Variants in SLC19A1 observed in about 807,000 individuals in gnomAD.
SLC19A1 encodes the protein reduced folate transporter.
Under a neutral mutation model 35.3 loss-of-function variants are expected in SLC19A1, and 37 were observed. The ratio of observed to expected loss-of-function variants is 1.05; its 90% CI spans 0.81 to 1.38. SLC19A1 has a LOEUF of 1.38. Among genes scored for constraint, SLC19A1 ranks in the 40% most tolerant of loss-of-function variants. SLC19A1 has a pLI of 0.00. For synonymous variants in SLC19A1, 460 were observed against 398.5 expected, an observed-to-expected ratio of 1.15 and a Z score of -1.84; for missense variants, 831 against 826.9, an observed-to-expected ratio of 1.00 and a Z score of -0.06.
At chr21:45,550,923 C>CT (rs555622717) in intron 1 of SLC19A1, among the ~76,000 whole-genome samples, 9 of 116,042 alleles carry the variant, frequency 7.8e-5, no homozygotes, top group East Asian at 3.2e-4. Flanking sequence ...ACCCTCCCCC[C>CT]GCCTCCCCAC....
At chr21:45,505,013 G>A in intron 3 of SLC19A1, 1 of 1,276,694 alleles carries the variant, frequency 7.8e-7, no homozygotes, top group Middle Eastern at 1.8e-4. Context: ...GCAGGGAGGG[G>A]ACCGGTGACT....
rs185587952 is a variant in SLC19A1 at position 45,557,677 on chromosome 21, G to A, written c.-50+5065C>T. Among the ~76,000 whole-genome samples the A allele has an allele frequency of 6.9e-3, 1,047 of 152,290 alleles. 6 individuals are homozygous for A. Among genetic ancestry groups the A allele is most frequent in the Non-Finnish European group, 0.011 (780 of 68,018 alleles). On this transcript the variant is annotated intron_variant, in intron 1 of 5. Transcript: ENST00000650808. ...GAAGGGATGCTCTGAGGCTCCCGGG[G>A]AGCCTCAACCCTCCACCACACTCAG... is the stretch of plus-strand genomic sequence containing the variant.
At chr21:45,509,949 C>T (rs2146124931), downstream of SLC19A1, 1 of 1,237,244 alleles carries the variant, frequency 8.1e-7, no homozygotes. Flanking sequence ...GCCTCCCGCT[C>T]AGCGCCCCTC....
downstream of SLC19A1, among the ~76,000 whole-genome samples, chr21:45,511,973 T>C (rs550272741): frequency 9.2e-5 from 14 of 152,074 alleles, no homozygotes; most frequent in Non-Finnish European, 1.3e-4. Context: ...TGGGTGTGTC[T>C]GGCAGAAGCA....
intron 1 of SLC19A1, among the ~76,000 whole-genome samples, chr21:45,538,366 A>G (rs1230657577): frequency 1.3e-5 from 2 of 152,248 alleles, no homozygotes; most frequent in East Asian, 3.8e-4. Context: ...CACTAGACTC[A>G]TGGCACTGCT....
chr21:45,512,338 C>T (rs2037661623), downstream of SLC19A1: 2 of 1,612,692 alleles, frequency 1.2e-6, no homozygotes, highest in Non-Finnish European at 1.7e-6. Context: ...GTGCCGCGAG[C>T]TGCCATCACG....
At position 45,514,727 on chromosome 21, in the gene SLC19A1, T is replaced by G; in HGVS notation, c.*931A>C. On this transcript the variant is annotated 3_prime_UTR_variant, in exon 6 of 6. Transcript: ENST00000311124. ...AGCCCTGCGCACACTCACTTAAGTG[T>G]GTTTAATGTATGTGGGAAGAGTATT... is the stretch of plus-strand genomic sequence containing the variant. The G allele has an allele frequency of 2.4e-6, 1 of 422,854 alleles. No homozygotes were observed. 26.2% of individuals were successfully genotyped at this position (422,854 alleles called of 1,614,324 possible). A position where few individuals can be genotyped will look rare whatever the true frequency, so the allele number is the denominator to read the frequency against.
chr21:45,514,588 A>G lies in SLC19A1; in HGVS notation c.*1070T>C, dbSNP rs1454566615. Reference sequence around the variant, plus strand: ...CTAGGGTTGTGGGGGTGCTCAGCTCATGGGCACCAAGGCCCTGCGTGGGCT... The same window carrying G: ...CTAGGGTTGTGGGGGTGCTCAGCTCGTGGGCACCAAGGCCCTGCGTGGGCT... On this transcript the variant is annotated 3_prime_UTR_variant, in exon 6 of 6. Transcript: ENST00000311124. The G allele has an allele frequency of 5.7e-6, 1 of 175,968 alleles. No individual in the cohort carries two copies. Among genetic ancestry groups the G allele is most frequent in the African/African-American group, 2.4e-5 (1 of 42,222 alleles). 10.9% of individuals were successfully genotyped at this position (175,968 alleles called of 1,614,324 possible).
At chr21:45,504,157 G>A (rs962879482) in intron 3 of SLC19A1, 2 of 1,356,510 alleles carry the variant, frequency 1.5e-6, no homozygotes, top group Admixed American at 1.7e-5. Flanking sequence ...CCCCCTTCCT[G>A]TTCAGCCCTG....
At chr21:45,518,567 C>T (rs2038080425) in intron 5 of SLC19A1, among the ~76,000 whole-genome samples, 1 of 152,142 alleles carries the variant, frequency 6.6e-6, no homozygotes, top group Non-Finnish European at 1.5e-5. Context: ...CATATTCAAA[C>T]TTCTATAAGC....
chr21:45,555,559 G>T (rs1010599257), intron 1 of SLC19A1, among the ~76,000 whole-genome samples: 1 of 150,648 alleles, frequency 6.6e-6, no homozygotes, highest in Non-Finnish European at 1.5e-5. Context: ...GGCGGCGAAA[G>T]GGGACGGGCT....
intron 3 of SLC19A1, 45 bp downstream of exon 3, chr21:45,531,344 G>GGAAGCCTCTGCGGAAA: frequency 1.3e-6 from 2 of 1,537,960 alleles, no homozygotes; most frequent in South Asian, 2.5e-5. Flanking sequence ...GAGGTGGACG[G>GGAAGCCTCTGCGGAAA]GAAGCCTCTG....
Position 45,530,687 on chromosome 21 carries a change from A to AG in SLC19A1, c.1151+82dup. The AG allele has an allele frequency of 7.2e-7, 1 of 1,388,216 alleles. No homozygotes were observed. The highest frequency in any genetic ancestry group is 1.5e-5 in the African/African-American group (1 of 68,598). 86.0% of individuals were successfully genotyped at this position (1,388,216 alleles called of 1,614,324 possible). A position where few individuals can be genotyped will look rare whatever the true frequency, so the allele number is the denominator to read the frequency against. ...AGTGGCACAGCCGCTGGGGCGCAGCAGGAAGGTGGGAGCACCCAGCGAAGC... is the reference window on the plus strand; with the variant it reads ...AGTGGCACAGCCGCTGGGGCGCAGCAGGGAAGGTGGGAGCACCCAGCGAAGC... On this transcript the variant is annotated intron_variant, in intron 4 of 5. Coordinates refer to ENST00000311124, the MANE Select transcript of SLC19A1 (RefSeq NM_194255.4). The surrounding 1 kb of genome is among the most constrained non-coding windows in gnomAD (Gnocchi z 5.3).
chr21:45,559,100 C>T (rs1030103985), intron 1 of SLC19A1, among the ~76,000 whole-genome samples: 2 of 152,104 alleles, frequency 1.3e-5, no homozygotes, highest in Non-Finnish European at 2.9e-5. Context: ...AGCCACCGTG[C>T]CTGGCCTAAA....
chr21:45,505,897 C>A lies in SLC19A1; in HGVS notation c.498-7285G>T, dbSNP rs575701186. On this transcript the variant is annotated intron_variant, in intron 3 of 4. Coordinates refer to the SLC19A1 transcript ENST00000417954. ...GCCAGGTGCACGAGGTTCCCGAGGGCTGGCTCATCTTCGTGGCCGAGCAGG... is the reference window on the plus strand; with the variant it reads ...GCCAGGTGCACGAGGTTCCCGAGGGATGGCTCATCTTCGTGGCCGAGCAGG... The A allele has an allele frequency of 1.2e-6, 2 of 1,612,594 alleles. No homozygotes were observed. Among genetic ancestry groups the A allele is most frequent in the African/African-American group, 2.7e-5 (2 of 74,928 alleles).
At chr21:45,510,976 C>T, downstream of SLC19A1, 2 of 11,952 alleles carry the variant, frequency 1.7e-4, 1 homozygote, top group Non-Finnish European at 2.8e-4. Context: ...CCCCCAAACA[C>T]CCCCCACACC....
rs373359344 is a variant in SLC19A1, at chr21:45,515,652, C to T, written c.*6G>A. On this transcript the variant is annotated 3_prime_UTR_variant, in exon 6 of 6. Transcript: ENST00000311124. ...CCTGCAAAGTTACCACAGGGGCGCC[C>T]GAGAGTCACTGGTTCACATTCTGAA... The T allele has an allele frequency of 5.7e-5, 92 of 1,613,062 alleles. No individual in the cohort carries two copies. In the South Asian group the frequency reaches 6.2e-4, roughly 11 times the overall value.
At chr21:45,512,508 T>C, downstream of SLC19A1, 1 of 957,490 alleles carries the variant, frequency 1.0e-6, no homozygotes. Context: ...GCTGCCATAC[T>C]TTCCTGTATA....
rs1312661030 is a variant in SLC19A1 at position 45,540,287 on chromosome 21, C to G, written c.-50+2081G>C. On this transcript the variant is annotated intron_variant, in intron 1 of 5. Transcript: ENST00000311124. The surrounding 1 kb of genome is among the most constrained non-coding windows in gnomAD (Gnocchi z 5.5). ...GACAGGCGCACCGATCCCCAGACAA[C>G]CAGAGCAACCAGATCGCCGCAGACA... Among the ~76,000 whole-genome samples the G allele has an allele frequency of 1.3e-5, 2 of 152,186 alleles. No individual in the cohort carries two copies. The highest frequency in any genetic ancestry group is 2.4e-5 in the African/African-American group (1 of 41,438).
Sources: allele counts gnomAD v4.1 joint callset (sites outside exome capture counted in the v4.1 genomes callset), GRCh38; gene constraint gnomAD v4.1.1; non-coding constraint Gnocchi (gnomAD v3.1); transcripts MANE v1.5; gene names NCBI Gene and HGNC (gene_info 2026-07-23, HGNC 2026-07-21).